Variants in OPCML observed in about 807,000 individuals in gnomAD.
The protein encoded by OPCML is opioid-binding protein/cell adhesion molecule.
Under a neutral mutation model 37.8 loss-of-function variants are expected in OPCML, and 13 were observed. That is an observed-to-expected ratio of 0.34 (90% CI 0.22 to 0.55). The LOEUF (loss-of-function observed/expected upper bound fraction) is 0.55. OPCML is among the 20% of genes least tolerant of loss of function. OPCML has a pLI of 0.91. For missense variants in OPCML, 341 were observed against 435.6 expected, an observed-to-expected ratio of 0.78 and a Z score of 1.93; for synonymous variants, 176 against 168.8, an observed-to-expected ratio of 1.04 and a Z score of -0.33.
At chr11:132,673,542 G>T (rs1942568758) in intron 2 of OPCML, among the ~76,000 whole-genome samples, 1 of 152,102 alleles carries the variant, frequency 6.6e-6, no homozygotes, top group Non-Finnish European at 1.5e-5. Flanking sequence ...CACCCAGGTT[G>T]ATTAGCTGTA....
At chr11:132,892,991 G>A (rs933123293) in intron 2 of OPCML, among the ~76,000 whole-genome samples, 2 of 152,042 alleles carry the variant, frequency 1.3e-5, no homozygotes, top group African/African-American at 4.8e-5. Context: ...TTATACAAAG[G>A]TTGTCCCCAC....
intron 2 of OPCML, among the ~76,000 whole-genome samples, chr11:132,886,165 CT>C (rs1160353743): frequency 6.6e-6 from 1 of 152,164 alleles, no homozygotes; most frequent in Non-Finnish European, 1.5e-5. Context: ...TCAAAATTAA[CT>C]TACTATAAAA....
intron 1 of OPCML, among the ~76,000 whole-genome samples, chr11:133,257,439 C>T (rs910262898): frequency 3.3e-5 from 5 of 152,162 alleles, no homozygotes; most frequent in South Asian, 2.1e-4. Context: ...ATAGGAATCA[C>T]GCTGCATTAC....
chr11:133,288,908 G>A (rs1942379495), intron 1 of OPCML, among the ~76,000 whole-genome samples: 1 of 152,118 alleles, frequency 6.6e-6, no homozygotes. Flanking sequence ...ACTCTCGTGG[G>A]CATCTTGAGG....
At chr11:132,432,616 C>T (rs915150665) in intron 7 of OPCML, among the ~76,000 whole-genome samples, 5 of 152,198 alleles carry the variant, frequency 3.3e-5, no homozygotes, top group African/African-American at 9.7e-5. Context: ...GTGACCAATA[C>T]GTCCTTTCCA....
chr11:133,026,149 C>T, intron 1 of OPCML: 4 of 941,602 alleles, frequency 4.2e-6, no homozygotes, highest in Non-Finnish European at 5.1e-6. Flanking sequence ...CACCACCCAT[C>T]TGAGTAATTT....
intron 2 of OPCML, among the ~76,000 whole-genome samples, chr11:132,755,733 T>TTA (rs1205883029): frequency 6.6e-6 from 1 of 152,224 alleles, no homozygotes; most frequent in African/African-American, 2.4e-5. Context: ...CAGTTTGTCA[T>TTA]TAATATGTCA....
At chr11:133,308,772 A>G (rs1942996476) in intron 1 of OPCML, among the ~76,000 whole-genome samples, 1 of 152,214 alleles carries the variant, frequency 6.6e-6, no homozygotes. Flanking sequence ...TTAAGAATGG[A>G]AAAATGTGAG....
intron 1 of OPCML, among the ~76,000 whole-genome samples, chr11:133,483,323 T>C (rs1947420566): frequency 6.6e-6 from 1 of 151,654 alleles, no homozygotes; most frequent in Non-Finnish European, 1.5e-5. Flanking sequence ...GATAGATAGA[T>C]AGATAGATAG....
At chr11:132,897,846 T>C (rs12801102) in intron 2 of OPCML, among the ~76,000 whole-genome samples, 27,304 of 152,138 alleles carry the variant, frequency 0.18, 2,783 homozygotes, top group Non-Finnish European at 0.24. Context: ...GGCAAAAACA[T>C]TGAGAGAATA....
intron 1 of OPCML, among the ~76,000 whole-genome samples, chr11:133,178,939 C>T (rs937982923): frequency 6.6e-6 from 1 of 152,134 alleles, no homozygotes. Flanking sequence ...CACTCGCTGC[C>T]TCTAAAGGGG....
Position 132,558,919 on chromosome 11 carries a change from G to A in OPCML, c.380-29733C>T, listed in dbSNP as rs931709819. 7.2e-5 allele frequency among the ~76,000 whole-genome samples: 11 copies of A among 152,022 alleles called. No homozygotes were observed. In the East Asian group the frequency reaches 1.4e-3, roughly 19 times the overall value. Reference sequence around the variant, plus strand: ...AGACTCTTGATGTTATTCCATTCATGTGCCCCCATCCCAACCAGAGCACAG... The same window carrying A: ...AGACTCTTGATGTTATTCCATTCATATGCCCCCATCCCAACCAGAGCACAG... On this transcript the variant is annotated intron_variant, in intron 3 of 7. Coordinates refer to ENST00000524381, the MANE Select transcript of OPCML (RefSeq NM_001012393.5).
chr11:133,154,648 C>A (rs375200052), intron 1 of OPCML, among the ~76,000 whole-genome samples: 1 of 151,830 alleles, frequency 6.6e-6, no homozygotes, highest in Admixed American at 6.6e-5. Flanking sequence ...ATTAGGAAAA[C>A]AATTCAAGCC....
intron 1 of OPCML, among the ~76,000 whole-genome samples, chr11:132,956,590 T>A (rs934365776): frequency 2.0e-5 from 3 of 152,144 alleles, no homozygotes; most frequent in African/African-American, 7.2e-5. Flanking sequence ...CAAATTGGAT[T>A]GGACAGTTTC....
intron 2 of OPCML, among the ~76,000 whole-genome samples, chr11:132,773,554 A>G (rs754914517): frequency 6.6e-6 from 1 of 152,212 alleles, no homozygotes; most frequent in African/African-American, 2.4e-5. Context: ...TCTCAGCATC[A>G]TGGTGGCATT....
chr11:133,152,555 C>A (rs1185364491), intron 1 of OPCML, among the ~76,000 whole-genome samples: 1 of 130,360 alleles, frequency 7.7e-6, no homozygotes, highest in Non-Finnish European at 1.6e-5. Flanking sequence ...CCCAAGGTAA[C>A]CCCTTCCCTC....
intron 1 of OPCML, among the ~76,000 whole-genome samples, chr11:133,337,563 G>A (rs1403401803): frequency 6.6e-6 from 1 of 152,178 alleles, no homozygotes; most frequent in East Asian, 1.9e-4. Context: ...GCCTTTACCT[G>A]CTGCTGTGGG....
At chr11:132,662,026 G>T (rs1941995995) in intron 2 of OPCML, among the ~76,000 whole-genome samples, 1 of 152,206 alleles carries the variant, frequency 6.6e-6, no homozygotes, top group Non-Finnish European at 1.5e-5. Context: ...ACATCAGAAG[G>T]CAGAGATGTT....
At chr11:133,468,451 G>A (rs917617157) in intron 1 of OPCML, among the ~76,000 whole-genome samples, 10 of 152,200 alleles carry the variant, frequency 6.6e-5, no homozygotes, top group Admixed American at 5.2e-4. Context: ...GACTGCTGCG[G>A]CAGCCAGGAG....
Sources: gnomAD v4.1 joint callset for allele counts (sites outside exome capture counted in the v4.1 genomes callset) on GRCh38, gnomAD v4.1.1 for gene constraint, MANE v1.5 for transcripts, NCBI Gene and HGNC (gene_info 2026-07-23, HGNC 2026-07-21) for gene names.